Variants in MCPH1 observed in about 807,000 individuals in gnomAD.
The protein encoded by MCPH1 is microcephalin.
A neutral mutation model predicts 84.5 loss-of-function variants in MCPH1; 104 were observed. The ratio of observed to expected loss-of-function variants is 1.23; its 90% CI spans 1.05 to 1.45. The LOEUF (loss-of-function observed/expected upper bound fraction) is 1.45, where lower values mean the gene tolerates loss of function less well. Among genes scored for constraint, MCPH1 ranks in the 40% most tolerant of loss-of-function variants. The pLI, the probability that MCPH1 is intolerant of heterozygous loss-of-function variation, is 0.00. For synonymous variants in MCPH1, 514 were observed against 366.8 expected (o/e 1.40, Z -4.58); for missense variants, 1,498 against 1,005.7 (o/e 1.49, Z -6.62).
At chr8:6,440,804 G>A (rs1254481315) in intron 6 of MCPH1, among the ~76,000 whole-genome samples, 2 of 152,176 alleles carry the variant, frequency 1.3e-5, no homozygotes, top group African/African-American at 4.8e-5. Flanking sequence ...TTGTCCATAT[G>A]TATCAGTTAA....
At chr8:6,420,752 T>A (rs752726157) in intron 3 of MCPH1, among the ~76,000 whole-genome samples, 52 of 152,212 alleles carry the variant, frequency 3.4e-4, no homozygotes, top group Non-Finnish European at 6.8e-4. Flanking sequence ...TTCTTATACA[T>A]AAGCAAATGT....
intron 12 of MCPH1, among the ~76,000 whole-genome samples, chr8:6,530,250 G>T (rs528074758): frequency 7.2e-5 from 11 of 152,184 alleles, no homozygotes; most frequent in Admixed American, 1.3e-4. Context: ...GCTCACGCCT[G>T]TGATCCCAGC....
intron 12 of MCPH1, among the ~76,000 whole-genome samples, chr8:6,601,334 G>A (rs1231883155): frequency 6.6e-6 from 1 of 152,134 alleles, no homozygotes; most frequent in African/African-American, 2.4e-5. Context: ...AGACTCTTGA[G>A]CAAAGCCTTC....
chr8:6,543,069 G>A (rs1030999010), intron 12 of MCPH1, among the ~76,000 whole-genome samples: 2 of 152,058 alleles, frequency 1.3e-5, no homozygotes, highest in Non-Finnish European at 1.5e-5. Context: ...GTGCCCTGCC[G>A]GGTCCCACTG....
intron 9 of MCPH1, among the ~76,000 whole-genome samples, chr8:6,468,690 C>A (rs1807314549): frequency 6.7e-6 from 1 of 148,500 alleles, no homozygotes; most frequent in South Asian, 2.1e-4. Flanking sequence ...AATATTTATC[C>A]AAGACAGTAA....
At position 6,506,471 on chromosome 8, in the gene MCPH1, C is replaced by T. The variant is rs140954372; in HGVS notation, c.2214+6542C>T. On this transcript the variant is annotated intron_variant, in intron 12 of 13. Coordinates refer to ENST00000344683, the MANE Select transcript of MCPH1 (RefSeq NM_024596.5). Reference sequence around the variant, plus strand: ...TTCCTTGGTTATTAATGCAATTCTCCTACTCTCCTGAGAAGCTCAGCACAT... The same window carrying T: ...TTCCTTGGTTATTAATGCAATTCTCTTACTCTCCTGAGAAGCTCAGCACAT... Among the ~76,000 whole-genome samples the T allele has an allele frequency of 3.5e-3, 537 of 152,276 alleles. 3 individuals carry two copies. Among genetic ancestry groups the T allele is most frequent in the African/African-American group, 0.011 (456 of 41,570 alleles).
chr8:6,575,300 G>A (rs1826979489), intron 12 of MCPH1, among the ~76,000 whole-genome samples: 1 of 152,192 alleles, frequency 6.6e-6, no homozygotes, highest in South Asian at 2.1e-4. Flanking sequence ...ATTGCATAAA[G>A]CTTAGCAATG....
intron 12 of MCPH1, among the ~76,000 whole-genome samples, chr8:6,581,692 A>G (rs141135610): frequency 8.5e-5 from 13 of 152,280 alleles, no homozygotes; most frequent in African/African-American, 2.6e-4. Context: ...TTATATTGAA[A>G]CTTTTCTCAA....
chr8:6,529,257 C>G lies in MCPH1; in HGVS notation c.2214+29328C>G, dbSNP rs57778376. 4.9e-3 allele frequency among the ~76,000 whole-genome samples: 739 copies of G among 152,240 alleles called. 8 individuals carry two copies. The highest frequency in any genetic ancestry group is 0.016 in the African/African-American group (651 of 41,536). ...TCTCATTCCCTTTAAGATATGAGAC[C>G]TCCAGCCACCCATTGTTGCTCAATT... On this transcript the variant is annotated intron_variant, in intron 12 of 13. Coordinates refer to ENST00000344683, the MANE Select transcript of MCPH1 (RefSeq NM_024596.5).
chr8:6,515,234 A>C (rs928264549), intron 12 of MCPH1, among the ~76,000 whole-genome samples: 1 of 152,098 alleles, frequency 6.6e-6, no homozygotes, highest in Non-Finnish European at 1.5e-5. Flanking sequence ...ACAGAGAGCT[A>C]TGTGAAGGGG....
intron 12 of MCPH1, among the ~76,000 whole-genome samples, chr8:6,540,584 G>A (rs1821357893): frequency 6.6e-6 from 1 of 152,320 alleles, no homozygotes; most frequent in Admixed American, 6.5e-5. Flanking sequence ...CAGTGCAACA[G>A]ACGTTGTCAG....
At chr8:6,430,028 TG>T (rs1187576090) in intron 3 of MCPH1, among the ~76,000 whole-genome samples, 2 of 152,236 alleles carry the variant, frequency 1.3e-5, no homozygotes, top group Non-Finnish European at 2.9e-5. Context: ...AATGTCACCC[TG>T]TTTGCTGCAC....
intron 12 of MCPH1, among the ~76,000 whole-genome samples, chr8:6,610,929 A>C (rs1042827930): frequency 2.0e-5 from 3 of 152,074 alleles, no homozygotes; most frequent in Non-Finnish European, 2.9e-5. Flanking sequence ...TTTGAACTGC[A>C]AATTTAGCAG....
At chr8:6,474,668 G>A (rs1808204477) in intron 9 of MCPH1, among the ~76,000 whole-genome samples, 1 of 152,244 alleles carries the variant, frequency 6.6e-6, no homozygotes, top group African/African-American at 2.4e-5. Flanking sequence ...CAGTAAATCT[G>A]TATAGCTTTT....
chr8:6,494,789 C>T (rs929471139), intron 11 of MCPH1, among the ~76,000 whole-genome samples: 2 of 152,102 alleles, frequency 1.3e-5, no homozygotes, highest in African/African-American at 4.8e-5. Flanking sequence ...GGATGTTTTT[C>T]TGGGGTGATG....
At chr8:6,433,005 G>A (rs577051702) in intron 4 of MCPH1, among the ~76,000 whole-genome samples, 6 of 152,252 alleles carry the variant, frequency 3.9e-5, no homozygotes, top group African/African-American at 1.4e-4. Flanking sequence ...TTACACACAT[G>A]TACACACTCA....
At chr8:6,409,221 T>C (rs1585552351) in intron 1 of MCPH1, 58 bp from the exon 2 acceptor site, 7 of 1,386,254 alleles carry the variant, frequency 5.0e-6, no homozygotes, top group East Asian at 4.6e-5. Flanking sequence ...ACAAAATCTA[T>C]TGGGCAGGGG....
intron 12 of MCPH1, among the ~76,000 whole-genome samples, chr8:6,578,651 A>C (rs2129576896): frequency 6.6e-6 from 1 of 152,314 alleles, no homozygotes. Context: ...AGCAATACAA[A>C]ACCCTGCGTG....
chr8:6,610,035 A>C (rs1830132396), intron 12 of MCPH1, among the ~76,000 whole-genome samples: 1 of 152,166 alleles, frequency 6.6e-6, no homozygotes, highest in African/African-American at 2.4e-5. Context: ...AGGCCTGACA[A>C]CACATGGTTT....
Sources: allele counts gnomAD v4.1 joint callset (sites outside exome capture counted in the v4.1 genomes callset), GRCh38; gene constraint gnomAD v4.1.1; transcripts MANE v1.5; gene names NCBI Gene and HGNC (gene_info 2026-07-23, HGNC 2026-07-21).